The following NTM variants were observed in gnomAD, a reference collection of about 807,000 sequenced individuals.
NTM encodes neurotrimin.
NTM carries 13 observed loss-of-function variants against 42.1 expected under a neutral mutation model. That is an observed-to-expected ratio of 0.31 (90% CI 0.20 to 0.49). The LOEUF (loss-of-function observed/expected upper bound fraction) is 0.49. NTM is among the 20% of genes least tolerant of loss of function. The probability of loss-of-function intolerance (pLI) is 0.99; values close to 1 mark genes in which losing one functional copy is unlikely to be tolerated. For missense variants in NTM, 373 were observed against 452.8 expected, an observed-to-expected ratio of 0.82 and a Z score of 1.60; for synonymous variants, 187 against 179.2, an observed-to-expected ratio of 1.04 and a Z score of -0.35.
intron 3 of NTM, among the ~76,000 whole-genome samples, chr11:132,149,798 C>T (rs928595844): frequency 8.5e-5 from 13 of 152,060 alleles, no homozygotes; most frequent in East Asian, 1.9e-4. Flanking sequence ...AGGGGGAAGG[C>T]GGCAGAAAGG....
intron 4 of NTM, among the ~76,000 whole-genome samples, chr11:132,290,319 T>C (rs2094414248): frequency 6.6e-6 from 1 of 151,944 alleles, no homozygotes; most frequent in Admixed American, 6.6e-5. Context: ...TGAGCAGACA[T>C]CTCCCACTGC....
chr11:131,475,379 T>A (rs1316397419), intron 1 of NTM, among the ~76,000 whole-genome samples: 3 of 152,182 alleles, frequency 2.0e-5, no homozygotes, highest in Non-Finnish European at 4.4e-5. Context: ...GAGAAGAGTT[T>A]AATCCCCTAA....
chr11:131,787,569 A>T (rs900433394), intron 1 of NTM, among the ~76,000 whole-genome samples: 1 of 151,894 alleles, frequency 6.6e-6, no homozygotes, highest in African/African-American at 2.4e-5. Context: ...TATTTTTAGT[A>T]CAGACGGGGT....
chr11:131,830,398 A>C (rs1243306782), intron 1 of NTM, among the ~76,000 whole-genome samples: 3 of 152,294 alleles, frequency 2.0e-5, no homozygotes, highest in East Asian at 3.9e-4. Flanking sequence ...CTAGCCAGCT[A>C]TTCCAACATG....
chr11:131,451,472 T>C (rs565147371), intron 1 of NTM, among the ~76,000 whole-genome samples: 1 of 152,100 alleles, frequency 6.6e-6, no homozygotes. Context: ...GAGAAGGCTT[T>C]GTGGAAGAGC....
intron 4 of NTM, among the ~76,000 whole-genome samples, chr11:132,284,037 C>G (rs2139884758): frequency 6.6e-6 from 1 of 152,292 alleles, no homozygotes; most frequent in South Asian, 2.1e-4. Flanking sequence ...GAAAGCCCCA[C>G]CACTTCCAAA....
At chr11:132,285,898 A>G (rs922265227) in intron 4 of NTM, among the ~76,000 whole-genome samples, 2 of 152,166 alleles carry the variant, frequency 1.3e-5, no homozygotes, top group African/African-American at 4.8e-5. Context: ...AATCTTGCTA[A>G]TGTAGCCACT....
chr11:132,152,845 A>G (rs1253404004), intron 3 of NTM, among the ~76,000 whole-genome samples: 1 of 152,248 alleles, frequency 6.6e-6, no homozygotes, highest in Non-Finnish European at 1.5e-5. Context: ...AGGAAAAGTT[A>G]TATTCATTGA....
intron 4 of NTM, among the ~76,000 whole-genome samples, chr11:132,270,215 C>A (rs1413395986): frequency 1.3e-5 from 2 of 151,882 alleles, no homozygotes. Flanking sequence ...ATTAAGAGAC[C>A]ATATATTTTA....
chr11:132,083,857 G>A (rs1594485375), intron 2 of NTM, among the ~76,000 whole-genome samples: 1 of 152,140 alleles, frequency 6.6e-6, no homozygotes, highest in Non-Finnish European at 1.5e-5. Flanking sequence ...GAGGATCCAG[G>A]CAGAGAGAAA....
In NTM at chr11:131,789,494, A is replaced by G. The variant is rs1188827087; in HGVS notation, c.83-122070A>G. Among the ~76,000 whole-genome samples, 9 of 3,862 alleles carry G rather than the reference A, an allele frequency of 2.3e-3. 2 individuals carry two copies. Among genetic ancestry groups the G allele is most frequent in the Non-Finnish European group, 4.4e-3 (9 of 2,052 alleles). The allele number at this position is 3,862 out of a possible 152,430, so 2.5% of individuals were successfully genotyped here. Reference sequence around the variant, plus strand: ...GAAGAAGAAGAAGAAGAAGAAGAGGAAAGAAGAAGAAGAAGAAGAAGAAGA... The same window carrying G: ...GAAGAAGAAGAAGAAGAAGAAGAGGGAAGAAGAAGAAGAAGAAGAAGAAGA... On this transcript the variant is annotated intron_variant, in intron 1 of 8. Transcript: ENST00000683400.
intron 2 of NTM, among the ~76,000 whole-genome samples, chr11:132,048,509 G>T (rs900999881): frequency 6.6e-6 from 1 of 152,206 alleles, no homozygotes; most frequent in Non-Finnish European, 1.5e-5. Context: ...AACAGGAAAA[G>T]AACAGATTCT....
At chr11:132,254,686 G>T (rs561995785) in intron 4 of NTM, among the ~76,000 whole-genome samples, 1 of 152,034 alleles carries the variant, frequency 6.6e-6, no homozygotes, top group African/African-American at 2.4e-5. Context: ...CTGGAAGACC[G>T]CACCACCATT....
intron 1 of NTM, among the ~76,000 whole-genome samples, chr11:131,906,921 C>G (rs774008800): frequency 6.6e-6 from 1 of 152,110 alleles, no homozygotes; most frequent in African/African-American, 2.4e-5. Flanking sequence ...TATTTTGATC[C>G]TGTATTCATA....
chr11:131,996,964 C>T (rs2068168934), intron 2 of NTM, among the ~76,000 whole-genome samples: 1 of 152,192 alleles, frequency 6.6e-6, no homozygotes, highest in Non-Finnish European at 1.5e-5. Flanking sequence ...GGCTTCCTAC[C>T]TTTCTCTCCT....
chr11:132,085,890 T>C (rs2059638636), intron 2 of NTM, among the ~76,000 whole-genome samples: 2 of 152,204 alleles, frequency 1.3e-5, no homozygotes, highest in South Asian at 4.1e-4. Flanking sequence ...GAGAGGGATT[T>C]ATCTGCCTCT....
chr11:131,971,797 G>A (rs1435455100), intron 2 of NTM, among the ~76,000 whole-genome samples: 17 of 151,964 alleles, frequency 1.1e-4, no homozygotes, highest in African/African-American at 4.1e-4. Context: ...TGTAATCCCA[G>A]TACTTTGAAG....
intron 1 of NTM, among the ~76,000 whole-genome samples, chr11:131,410,051 ACCGGCTTT>A (rs1283330658): frequency 1.3e-5 from 2 of 152,066 alleles, no homozygotes; most frequent in African/African-American, 4.8e-5. Context: ...GGGGAAGCTG[ACCGGCTTT>A]CCCTGGAGCA....
chr11:131,590,327 G>A (rs1213658582), intron 1 of NTM, among the ~76,000 whole-genome samples: 2 of 152,194 alleles, frequency 1.3e-5, no homozygotes, highest in Non-Finnish European at 2.9e-5. Context: ...AGAAGTGAGT[G>A]GGTTTGCCCA....
Sources: gnomAD v4.1 joint callset for allele counts (sites outside exome capture counted in the v4.1 genomes callset) on GRCh38, gnomAD v4.1.1 for gene constraint, MANE v1.5 for transcripts, NCBI Gene and HGNC (gene_info 2026-07-23, HGNC 2026-07-21) for gene names.